Variants in LYPD1 observed in about 807,000 individuals in gnomAD.
LYPD1 encodes the protein LY6/PLAUR domain containing 1, also known as ly6/PLAUR domain-containing protein 1.
Under a neutral mutation model 14.2 loss-of-function variants are expected in LYPD1, and 14 were observed. The ratio of observed to expected loss-of-function variants is 0.99; its 90% CI spans 0.65 to 1.54. The LOEUF is 1.54. LYPD1 is among the 40% of genes most tolerant of loss of function. The pLI, the probability that LYPD1 is intolerant of heterozygous loss-of-function variation, is 0.00. For missense variants in LYPD1, 165 were observed against 175.7 expected, an observed-to-expected ratio of 0.94 and a Z score of 0.34; for synonymous variants, 85 against 70.6, an observed-to-expected ratio of 1.20 and a Z score of -1.02.
At chr2:132,651,008 C>T (rs759462416) in intron 2 of LYPD1, among the ~76,000 whole-genome samples, 2 of 152,064 alleles carry the variant, frequency 1.3e-5, no homozygotes, top group African/African-American at 2.4e-5. Flanking sequence ...CTATAACATG[C>T]ATCCATTGGG....
Position 132,649,196 on chromosome 2 carries a change from T to C in LYPD1, c.191-2916A>G, listed in dbSNP as rs1387210413. ...AGGAAGCAGGTAGGAGGTGTTGTGC[T>C]AATAGAAATGGGGAAATTTGAGATT... On this transcript the variant is annotated intron_variant, in intron 2 of 2. Transcript: ENST00000397463. Among the ~76,000 whole-genome samples the C allele has an allele frequency of 2.0e-5, 3 of 152,278 alleles. No homozygotes were observed. The East Asian group carries it at 5.8e-4, about 29-fold the overall frequency.
intron 2 of LYPD1, among the ~76,000 whole-genome samples, chr2:132,657,397 A>C (rs1260205701): frequency 1.3e-5 from 2 of 152,156 alleles, no homozygotes; most frequent in Non-Finnish European, 1.5e-5. Flanking sequence ...TGATTTATGA[A>C]GCTGTGCTGT....
At chr2:132,658,755 T>C (rs958647611) in intron 2 of LYPD1, among the ~76,000 whole-genome samples, 2 of 152,176 alleles carry the variant, frequency 1.3e-5, no homozygotes, top group Admixed American at 6.5e-5. Context: ...TTGTGGAACA[T>C]ACCTGTATTT....
intron 2 of LYPD1, among the ~76,000 whole-genome samples, chr2:132,660,018 T>A (rs1682837544): frequency 6.6e-6 from 1 of 152,226 alleles, no homozygotes; most frequent in East Asian, 1.9e-4. Flanking sequence ...ACATTCATAT[T>A]CAACCCGTGT....
At chr2:132,657,553 C>G (rs1396261923) in intron 2 of LYPD1, among the ~76,000 whole-genome samples, 1 of 152,122 alleles carries the variant, frequency 6.6e-6, no homozygotes, top group Non-Finnish European at 1.5e-5. Flanking sequence ...ATAACGACTT[C>G]CAGATGGAAT....
Position 132,645,634 on chromosome 2 carries a change from A to C in LYPD1, c.*411T>G. 1 of 1,591,452 alleles carries C rather than the reference A, an allele frequency of 6.3e-7. No homozygotes were observed. Reference sequence around the variant, plus strand: ...GTCAAGCGAGGGAGCCTTGAGTGGGAACTGGCCCTCCAGCCCTAAGAAAAC... The same window carrying C: ...GTCAAGCGAGGGAGCCTTGAGTGGGCACTGGCCCTCCAGCCCTAAGAAAAC... On this transcript the variant is annotated 3_prime_UTR_variant, in exon 3 of 3. Coordinates refer to ENST00000397463, the MANE Select transcript of LYPD1 (RefSeq NM_144586.7).
At chr2:132,670,916 T>C (rs1394965896), upstream of LYPD1, among the ~76,000 whole-genome samples, 1 of 152,156 alleles carries the variant, frequency 6.6e-6, no homozygotes, top group Non-Finnish European at 1.5e-5. This position sits in a 1 kb window ranked among gnomAD's most constrained non-coding sequence, Gnocchi z 4.5. Flanking sequence ...CCTGGTCGCC[T>C]AGCCTAGGAG....
In LYPD1 at chr2:132,670,027, G is replaced by T. The variant is rs563016686; in HGVS notation, c.-95C>A. ...GGCTGCAGCGGCTGTGGCTGCCGAG[G>T]CTGCTGGGGCCCGCGCTGCTGCCGC... On this transcript the variant is annotated 5_prime_UTR_variant, in exon 1 of 3. Coordinates refer to ENST00000397463, the MANE Select transcript of LYPD1 (RefSeq NM_144586.7). The surrounding 1 kb of genome is among the most constrained non-coding windows in gnomAD (Gnocchi z 4.5). 2.2e-4 allele frequency: 339 copies of T among 1,563,148 alleles called. 1 individual carries two copies. In the African/African-American group the frequency reaches 4.3e-3, roughly 20 times the overall value.
rs750386564 is a variant in LYPD1 at position 132,646,088 on chromosome 2, G to C, written c.383C>G (p.Thr128Ser). 1 of 1,604,098 alleles carries C rather than the reference G, an allele frequency of 6.2e-7. No individual in the cohort carries two copies. The highest frequency in any genetic ancestry group is 8.5e-7 in the Non-Finnish European group (1 of 1,174,422). ...GAGGGCTAATTTGAGGAACAGGATG[G>C]TGGTGCGGAGCCCTGGCCTGAGGGC... is the stretch of plus-strand genomic sequence containing the variant. Reference protein sequence around the residue: ...ASALRPGLRTTILFLKLALFS... With the variant: ...ASALRPGLRTSILFLKLALFS... Residue 128 changes from threonine (T) to serine (S), a missense_variant, in exon 3 of 3, where the codon ACC becomes AGC. Thr to Ser is a moderately conservative substitution (Grantham distance 58). Coordinates refer to ENST00000397463, the MANE Select transcript of LYPD1 (RefSeq NM_144586.7).
intron 2 of LYPD1, among the ~76,000 whole-genome samples, chr2:132,654,656 A>G (rs922913372): frequency 6.6e-6 from 1 of 152,148 alleles, no homozygotes; most frequent in African/African-American, 2.4e-5. Flanking sequence ...AACATTACTG[A>G]AGGAATGTTT....
chr2:132,650,636 T>A (rs1300035070), intron 2 of LYPD1, among the ~76,000 whole-genome samples: 1 of 151,914 alleles, frequency 6.6e-6, no homozygotes, highest in African/African-American at 2.4e-5. Context: ...TAGAAGATGA[T>A]ACTGAGTTAA....
intron 2 of LYPD1, among the ~76,000 whole-genome samples, chr2:132,657,721 C>T (rs988752959): frequency 7.9e-5 from 12 of 152,170 alleles, no homozygotes; most frequent in Non-Finnish European, 1.6e-4. Context: ...AAGTTCAGGA[C>T]ATTTGTTGGT....
intron 2 of LYPD1, chr2:132,646,585 CTG>C (rs1230415125): frequency 7.3e-6 from 2 of 274,340 alleles, no homozygotes; most frequent in Non-Finnish European, 1.4e-5. Flanking sequence ...AGAGTTCACA[CTG>C]TGTACAAGAC....
intron 2 of LYPD1, among the ~76,000 whole-genome samples, chr2:132,655,513 C>CTTTTTTTTTTTTTTTT (rs1558879316): frequency 1.6e-5 from 1 of 61,014 alleles, no homozygotes; most frequent in Admixed American, 1.5e-4. Context: ...GGTTGAGAAG[C>CTTTTTTTTTTTTTTTT]ATTTTTTTTT....
At chr2:132,652,559 C>G (rs73955772) in intron 2 of LYPD1, among the ~76,000 whole-genome samples, 3,219 of 152,236 alleles carry the variant, frequency 0.021, 102 homozygotes, top group African/African-American at 0.066. Context: ...GAAGGGCTGT[C>G]CATCAAACGT....
At position 132,644,213 on chromosome 2, in the gene LYPD1, T is replaced by TA. The variant is rs896853424; in HGVS notation, c.*1831dup. Among the ~76,000 whole-genome samples, 2 of 152,208 alleles carry TA rather than the reference T, an allele frequency of 1.3e-5. No individual in the cohort carries two copies. Among genetic ancestry groups the TA allele is most frequent in the Non-Finnish European group, 2.9e-5 (2 of 68,034 alleles). ...AATTGCAGAACTGGTGGTGGTTACTTAAGTTGGAATACAAATATGTGGGCA... is the reference window on the plus strand; with the variant it reads ...AATTGCAGAACTGGTGGTGGTTACTTAAAGTTGGAATACAAATATGTGGGCA... On this transcript the variant is annotated 3_prime_UTR_variant, in exon 3 of 3. Transcript: ENST00000397463.
At chr2:132,662,355 G>A (rs989686507) in intron 2 of LYPD1, among the ~76,000 whole-genome samples, 2 of 152,254 alleles carry the variant, frequency 1.3e-5, no homozygotes, top group South Asian at 4.1e-4. Flanking sequence ...ATTTTACAAG[G>A]GGGGAGGCTA....
rs1003566506 is a variant in LYPD1, at chr2:132,645,555, G to A, written c.*490C>T. 6.8e-6 allele frequency: 11 copies of A among 1,614,006 alleles called. No homozygotes were observed. Among genetic ancestry groups the A allele is most frequent in the Middle Eastern group, 1.6e-4 (1 of 6,080 alleles). The stretch of plus-strand genomic sequence containing the variant: ...AGTCACTAGAGCCCAACTCAGGCGC[G>A]AAACCAGCCAATTCTGCTGCAGAGA... On this transcript the variant is annotated 3_prime_UTR_variant, in exon 3 of 3. Transcript: ENST00000397463.
At chr2:132,657,107 T>G (rs1174414490) in intron 2 of LYPD1, among the ~76,000 whole-genome samples, 1 of 152,182 alleles carries the variant, frequency 6.6e-6, no homozygotes. Flanking sequence ...TTCAAAGATT[T>G]TTGGTGAGTT....
Sources: allele counts gnomAD v4.1 joint callset (sites outside exome capture counted in the v4.1 genomes callset), GRCh38; gene constraint gnomAD v4.1.1; non-coding constraint Gnocchi (gnomAD v3.1); transcripts MANE v1.5; gene names NCBI Gene and HGNC (gene_info 2026-07-23, HGNC 2026-07-21).